Variants in KCNA3 observed in about 807,000 individuals in gnomAD.
The protein encoded by KCNA3 is potassium voltage-gated channel subfamily A member 3.
In KCNA3, 18 loss-of-function variants were observed where a neutral mutation model predicts 34.3. The observed-to-expected ratio is 0.52, with a 90% CI of 0.36 to 0.78. The LOEUF (loss-of-function observed/expected upper bound fraction) is 0.78, where lower values mean the gene tolerates loss of function less well. Among genes scored for constraint, KCNA3 ranks in the 30% least tolerant of loss-of-function variants. The probability of loss-of-function intolerance (pLI) is 0.00; values close to 1 mark genes in which losing one functional copy is unlikely to be tolerated. For synonymous variants in KCNA3, 324 were observed against 351.7 expected (o/e 0.92, Z 0.88); for missense variants, 587 against 802.5 (o/e 0.73, Z 3.24).
chr1:110,655,566 C>T, the KCNA3 span: 1 of 152,148 alleles, frequency 6.6e-6, no homozygotes, highest in South Asian at 2.1e-4. Context: ...AATACATAAG[C>T]GACTCAATTA....
the KCNA3 span, among the ~76,000 whole-genome samples, chr1:110,662,873 G>A: frequency 2.0e-5 from 3 of 152,254 alleles, no homozygotes; most frequent in South Asian, 2.1e-4. Context: ...AAGGTCTGCA[G>A]GGAAAAGATC....
At chr1:110,661,845 C>T in the KCNA3 span, among the ~76,000 whole-genome samples, 1 of 152,046 alleles carries the variant, frequency 6.6e-6, no homozygotes, top group Non-Finnish European at 1.5e-5. Flanking sequence ...CGGTGGCTCA[C>T]GCCTATAATC....
chr1:110,674,859 C>T lies in KCNA3; in HGVS notation c.-50G>A. 1 of 1,277,730 alleles carries T rather than the reference C, an allele frequency of 7.8e-7. No homozygotes were observed. Among genetic ancestry groups the T allele is most frequent in the South Asian group, 2.8e-5 (1 of 36,254 alleles). The allele number at this position is 1,277,730 out of a possible 1,614,324, so 79.1% of individuals were successfully genotyped here. On this transcript the variant is annotated 5_prime_UTR_variant, in exon 1 of 1. Transcript: ENST00000369769. The surrounding 1 kb of genome is among the most constrained non-coding windows in gnomAD (Gnocchi z 6.4). ...TGAGGCCAGGTCGCTCCTCCTCGCG[C>T]TCCCCGCCCTTTCGCCGCCTCCGCC... is the stretch of plus-strand genomic sequence containing the variant.
chr1:110,660,895 T>C, the KCNA3 span, among the ~76,000 whole-genome samples: 2 of 152,224 alleles, frequency 1.3e-5, no homozygotes, highest in African/African-American at 4.8e-5. Context: ...ATATGCTGAA[T>C]TAATGAATAA....
At position 110,674,446 on chromosome 1, in the gene KCNA3, G is replaced by A. The variant is rs1557759771; in HGVS notation, c.364C>T (p.Leu122Phe). The change falls in exon 1 of 1, where the codon CTT becomes TTT. Residue 122 changes from leucine to phenylalanine, a missense_variant. Coordinates refer to ENST00000369769, the MANE Select transcript of KCNA3 (RefSeq NM_002232.5). This position sits in a 1 kb window ranked among gnomAD's most constrained non-coding sequence, Gnocchi z 6.4. The stretch of plus-strand genomic sequence containing the variant: ...AGCAGCGTCTCGGGGAACTGGCAAA[G>A]GGTCTTCAGCTGCGTCTCGAAGCGC... ...GLRFETQLKTLCQFPETLLGD... is the reference protein window; with the variant it reads ...GLRFETQLKTFCQFPETLLGD... 1 of 1,614,104 alleles carries A rather than the reference G, an allele frequency of 6.2e-7. No homozygotes were observed. The highest frequency in any genetic ancestry group is 2.2e-5 in the East Asian group (1 of 44,868).
downstream of KCNA3, among the ~76,000 whole-genome samples, chr1:110,667,526 C>T (rs1035729253): frequency 1.3e-5 from 2 of 152,058 alleles, no homozygotes; most frequent in Admixed American, 1.3e-4. Flanking sequence ...TGTTATATTG[C>T]TAGCAACCAG....
At chr1:110,663,220 C>G in the KCNA3 span, among the ~76,000 whole-genome samples, 1 of 152,112 alleles carries the variant, frequency 6.6e-6, no homozygotes, top group Non-Finnish European at 1.5e-5. Flanking sequence ...ATGTCACAAT[C>G]CTTCACCCAA....
the KCNA3 span, among the ~76,000 whole-genome samples, chr1:110,664,189 C>T: frequency 1.7e-4 from 26 of 152,090 alleles, no homozygotes; most frequent in African/African-American, 4.8e-4. Flanking sequence ...ATTACTTGTT[C>T]GTTCTGATTT....
the KCNA3 span, among the ~76,000 whole-genome samples, chr1:110,662,753 G>T: frequency 1.3e-5 from 2 of 152,166 alleles, no homozygotes. Context: ...ATGGGAAAAT[G>T]AGCTGTGAGG....
the KCNA3 span, chr1:110,656,476 C>T: frequency 2.0e-5 from 3 of 151,892 alleles, no homozygotes; most frequent in Non-Finnish European, 4.4e-5. Flanking sequence ...AATGTGAAAA[C>T]ATTATAGAAT....
the KCNA3 span, among the ~76,000 whole-genome samples, chr1:110,664,767 A>G: frequency 6.6e-6 from 1 of 152,196 alleles, no homozygotes; most frequent in African/African-American, 2.4e-5. Context: ...TAAAATACCT[A>G]ATACATTAGA....
chr1:110,661,170 A>T, the KCNA3 span, among the ~76,000 whole-genome samples: 1 of 152,192 alleles, frequency 6.6e-6, no homozygotes, highest in East Asian at 1.9e-4. Flanking sequence ...TGGTTTTAGC[A>T]GGCGCCCAAA....
At chr1:110,662,954 G>T in the KCNA3 span, among the ~76,000 whole-genome samples, 1 of 152,008 alleles carries the variant, frequency 6.6e-6, no homozygotes. Flanking sequence ...GTACTTTTTG[G>T]TTACCCAGTT....
At chr1:110,657,132 C>T in the KCNA3 span, 1 of 151,416 alleles carries the variant, frequency 6.6e-6, no homozygotes, top group African/African-American at 2.4e-5. Context: ...CCGCAACCTC[C>T]ACCTCCTGGG....
the KCNA3 span, among the ~76,000 whole-genome samples, chr1:110,660,259 TCTA>T: frequency 6.6e-6 from 1 of 152,224 alleles, no homozygotes; most frequent in Non-Finnish European, 1.5e-5. Flanking sequence ...TAGACATTTT[TCTA>T]CTAATAATGA....
the KCNA3 span, among the ~76,000 whole-genome samples, chr1:110,658,398 T>C: frequency 3.9e-4 from 60 of 152,218 alleles, 1 homozygote; most frequent in African/African-American, 1.3e-3. Context: ...TGTTCAGGTA[T>C]ATTTTGAAAC....
the KCNA3 span, among the ~76,000 whole-genome samples, chr1:110,658,886 T>C: frequency 6.6e-6 from 1 of 152,274 alleles, no homozygotes; most frequent in East Asian, 1.9e-4. Flanking sequence ...CACATTTTTG[T>C]CAAGTTCAGC....
Position 110,674,766 on chromosome 1 carries a change from G to A in KCNA3, c.44C>T (p.Ser15Leu), listed in dbSNP as rs760254943. 7.4e-7 allele frequency: 1 copy of A among 1,349,000 alleles called. No individual in the cohort carries two copies. The highest frequency in any genetic ancestry group is 1.5e-5 in the African/African-American group (1 of 65,702). 83.6% of individuals were successfully genotyped at this position (1,349,000 alleles called of 1,614,324 possible). The change falls in exon 1 of 1, where the codon TCA (serine) becomes TTA (leucine). Residue 15 changes from serine (S) to leucine (L), a missense_variant. Physicochemically the swap from Ser to Leu is moderately radical, Grantham distance 145. Around this residue, in one of 7 missense-constraint regions of KCNA3, gnomAD observed 341 missense variants for 355.4 expected, o/e 0.96. Coordinates refer to ENST00000369769, the MANE Select transcript of KCNA3 (RefSeq NM_002232.5). The surrounding 1 kb of genome is among the most constrained non-coding windows in gnomAD (Gnocchi z 6.4). ...LSLLRSPPPP[S>L]ARHRAHPPQR... ...AGGAGGGTGGGCGCGGTGGCGGGCT[G>A]AGGGCGGCGGCGGCGAGCGCAGAAG...
downstream of KCNA3, among the ~76,000 whole-genome samples, chr1:110,670,518 T>C (rs1651849826): frequency 6.6e-6 from 1 of 152,218 alleles, no homozygotes; most frequent in African/African-American, 2.4e-5. Context: ...CCTCCATCTC[T>C]ATGTTAAGAA....
Sources: allele counts gnomAD v4.1 joint callset (sites outside exome capture counted in the v4.1 genomes callset), GRCh38; gene constraint gnomAD v4.1.1; regional missense constraint gnomAD v4.1.1; non-coding constraint Gnocchi (gnomAD v3.1); transcripts MANE v1.5; gene names NCBI Gene and HGNC (gene_info 2026-07-23, HGNC 2026-07-21).